Variants in DGKB observed in about 807,000 individuals in gnomAD.
The protein encoded by DGKB is 90 kDa diacylglycerol kinase.
A neutral mutation model predicts 114.3 loss-of-function variants in DGKB; 67 were observed. The observed-to-expected ratio is 0.59, with a 90% confidence interval of 0.48 to 0.72. The LOEUF is 0.72. DGKB is among the 30% of genes least tolerant of loss of function. The pLI, the probability that DGKB is intolerant of heterozygous loss-of-function variation, is 0.00. For missense variants in DGKB, 907 were observed against 975.2 expected (o/e 0.93, Z 0.93); for synonymous variants, 398 against 323.1 (o/e 1.23, Z -2.49).
intron 12 of DGKB, among the ~76,000 whole-genome samples, chr7:14,673,241 A>G (rs1819287836): frequency 6.6e-6 from 1 of 152,004 alleles, no homozygotes. Flanking sequence ...GACCCATTCT[A>G]TACATTTTAT....
At chr7:14,350,562 A>G (rs1813260581) in intron 21 of DGKB, among the ~76,000 whole-genome samples, 1 of 152,056 alleles carries the variant, frequency 6.6e-6, no homozygotes, top group Non-Finnish European at 1.5e-5. Flanking sequence ...ATAAGCAACA[A>G]AAAAGTTTTG....
intron 13 of DGKB, among the ~76,000 whole-genome samples, chr7:14,635,272 G>A (rs10266107): frequency 6.8e-6 from 1 of 146,314 alleles, no homozygotes; most frequent in Non-Finnish European, 1.5e-5. Flanking sequence ...TCTATTTGTA[G>A]AGTTTTGTCT....
intron 6 of DGKB, among the ~76,000 whole-genome samples, chr7:14,707,238 A>G (rs1826445680): frequency 6.9e-6 from 1 of 144,132 alleles, no homozygotes; most frequent in African/African-American, 2.6e-5. Context: ...AAATTCCTCG[A>G]CACATACACT....
intron 1 of DGKB, among the ~76,000 whole-genome samples, chr7:14,873,331 A>G (rs1044972736): frequency 6.6e-6 from 1 of 152,108 alleles, no homozygotes; most frequent in South Asian, 2.1e-4. Flanking sequence ...ACAAATAGGC[A>G]TTTTCATATT....
intron 1 of DGKB, among the ~76,000 whole-genome samples, chr7:14,937,838 G>A (rs1323421676): frequency 1.3e-5 from 2 of 151,992 alleles, no homozygotes; most frequent in East Asian, 1.9e-4. Flanking sequence ...CCTTTATGAT[G>A]ATCCACTTTC....
intron 21 of DGKB, among the ~76,000 whole-genome samples, chr7:14,367,228 A>C (rs577717148): frequency 7.9e-5 from 12 of 152,182 alleles, no homozygotes; most frequent in South Asian, 4.1e-4. Context: ...TGTTTAAGGC[A>C]GGCTAGGTGA....
chr7:14,227,026 C>T (rs370819970), intron 23 of DGKB, among the ~76,000 whole-genome samples: 14 of 151,924 alleles, frequency 9.2e-5, no homozygotes, highest in African/African-American at 2.2e-4. Context: ...GTGCCCGCAC[C>T]GCACCAGGCA....
chr7:14,233,860 G>A (rs1264745775), intron 23 of DGKB, among the ~76,000 whole-genome samples: 1 of 152,014 alleles, frequency 6.6e-6, no homozygotes, highest in African/African-American at 2.4e-5. Context: ...CCCAGAGAGT[G>A]AGAGAAAGCC....
At chr7:14,882,762 A>G (rs972715315) in intron 1 of DGKB, among the ~76,000 whole-genome samples, 2 of 151,988 alleles carry the variant, frequency 1.3e-5, no homozygotes, top group Non-Finnish European at 2.9e-5. Flanking sequence ...GCTGCAGAAT[A>G]CATGATTTCA....
chr7:14,553,146 T>A (rs1331649690), intron 20 of DGKB, among the ~76,000 whole-genome samples: 3 of 152,238 alleles, frequency 2.0e-5, no homozygotes, highest in Non-Finnish European at 4.4e-5. Context: ...ACAAAATGAA[T>A]CTAATAATGT....
intron 20 of DGKB, among the ~76,000 whole-genome samples, chr7:14,510,765 A>G (rs1245964567): frequency 6.6e-6 from 1 of 152,196 alleles, no homozygotes; most frequent in Non-Finnish European, 1.5e-5. Flanking sequence ...CTTAAATAAT[A>G]AGATGTGAAA....
intron 23 of DGKB, among the ~76,000 whole-genome samples, chr7:14,263,336 T>C (rs1797038273): frequency 6.6e-6 from 1 of 152,196 alleles, no homozygotes; most frequent in Non-Finnish European, 1.5e-5. Context: ...CTCTTTAAAA[T>C]ATTTTGGTGG....
intron 1 of DGKB, among the ~76,000 whole-genome samples, chr7:14,899,781 T>C (rs1427417296): frequency 6.6e-6 from 1 of 152,030 alleles, no homozygotes; most frequent in African/African-American, 2.4e-5. Context: ...AGAAGGAAGA[T>C]CTCTCAAGCA....
chr7:14,795,509 C>T (rs753983496), intron 2 of DGKB, among the ~76,000 whole-genome samples: 1 of 152,182 alleles, frequency 6.6e-6, no homozygotes, highest in Non-Finnish European at 1.5e-5. Context: ...TTCACCAATA[C>T]TGTGAATAAT....
intron 23 of DGKB, among the ~76,000 whole-genome samples, chr7:14,322,000 T>G (rs1807912103): frequency 6.6e-6 from 1 of 152,196 alleles, no homozygotes; most frequent in Non-Finnish European, 1.5e-5. Context: ...ATTTATTTAT[T>G]TATTTATTTT....
At chr7:14,204,791 G>A (rs1385647215) in intron 23 of DGKB, among the ~76,000 whole-genome samples, 1 of 152,026 alleles carries the variant, frequency 6.6e-6, no homozygotes, top group Non-Finnish European at 1.5e-5. Flanking sequence ...TATGGGAAGA[G>A]AACGTACGTT....
intron 1 of DGKB, among the ~76,000 whole-genome samples, chr7:14,877,410 C>T (rs1259337473): frequency 6.6e-6 from 1 of 152,048 alleles, no homozygotes; most frequent in Non-Finnish European, 1.5e-5. Context: ...AAAAAATTAG[C>T]CAAGTGTTGT....
intron 20 of DGKB, among the ~76,000 whole-genome samples, chr7:14,482,272 A>C (rs1783094338): frequency 6.6e-6 from 1 of 152,054 alleles, no homozygotes; most frequent in Non-Finnish European, 1.5e-5. Flanking sequence ...AAAAATATTC[A>C]TGATTTTGAG....
At chr7:14,628,353 T>G (rs1373920920) in intron 14 of DGKB, among the ~76,000 whole-genome samples, 3 of 145,154 alleles carry the variant, frequency 2.1e-5, no homozygotes, top group Non-Finnish European at 4.6e-5. Flanking sequence ...TCAAGTTAAG[T>G]TTAGAGAGAA....
Sources: allele counts gnomAD v4.1 joint callset (sites outside exome capture counted in the v4.1 genomes callset), GRCh38; gene constraint gnomAD v4.1.1; transcripts MANE v1.5; gene names NCBI Gene and HGNC (gene_info 2026-07-23, HGNC 2026-07-21).